The following PVALEF variants were observed in gnomAD, a reference collection of about 807,000 sequenced individuals.
The protein encoded by PVALEF is parvalbumin-like EF-hand-containing protein.
Under a neutral mutation model 1.2 loss-of-function variants are expected in PVALEF, and 2 were observed. That is an observed-to-expected ratio of 1.68 (90% confidence interval 0.69 to 5.28). The LOEUF is 5.28. PVALEF is among the 30% of genes most tolerant of loss of function. The pLI is 0.06. For missense variants in PVALEF, 35 were observed against 17.7 expected (o/e 1.97, Z -1.75); for synonymous variants, 16 against 6.5 (o/e 2.47, Z -2.24).
chr17:81,165,989 A>ACATGGCC (rs1280421784), intron 1 of PVALEF: 25 of 1,577,676 alleles, frequency 1.6e-5, no homozygotes, highest in Non-Finnish European at 2.1e-5. Flanking sequence ...AAGGACGACG[A>ACATGGCC]CATGGCCGGG....
At chr17:81,181,051 G>A (rs941215699) in intron 3 of PVALEF, 72 bp from the exon 4 acceptor site, 1 of 537,478 alleles carries the variant, frequency 1.9e-6, no homozygotes, top group Non-Finnish European at 3.3e-6. Context: ...TGCCTGGCTG[G>A]GATCCCAGCA....
In PVALEF at chr17:81,181,713, G is replaced by C; in HGVS notation, c.242+19G>C. Reference sequence around the variant, plus strand: ...AGATCAAGTAATGGCTGGCGGCCACGGAGGGGTGGGGCCCAGGCCACCCAG... The same window carrying C: ...AGATCAAGTAATGGCTGGCGGCCACCGAGGGGTGGGGCCCAGGCCACCCAG... On this transcript the variant is annotated intron_variant, in intron 5 of 6. Coordinates refer to ENST00000637878, the MANE Select transcript of PVALEF (RefSeq NM_001354639.2). The C allele has an allele frequency of 2.5e-6, 1 of 400,028 alleles. No homozygotes were observed. Among genetic ancestry groups the C allele is most frequent in the Non-Finnish European group, 4.4e-6 (1 of 227,080 alleles). 24.8% of individuals were successfully genotyped at this position (400,028 alleles called of 1,614,324 possible).
intron 2 of PVALEF, among the ~76,000 whole-genome samples, chr17:81,169,994 GTGT>G (rs1290024030): frequency 6.6e-6 from 1 of 151,568 alleles, no homozygotes; most frequent in Non-Finnish European, 1.5e-5. Context: ...GCATGTGTGT[GTGT>G]TGGTGTGTCT....
intron 2 of PVALEF, among the ~76,000 whole-genome samples, chr17:81,168,402 TCCCA>T (rs2061506628): frequency 6.6e-6 from 1 of 152,002 alleles, no homozygotes; most frequent in Non-Finnish European, 1.5e-5. Flanking sequence ...AAGCCAGCAC[TCCCA>T]CCCTACGTAA....
chr17:81,173,615 G>T (rs2061527578), intron 2 of PVALEF, among the ~76,000 whole-genome samples: 1 of 152,184 alleles, frequency 6.6e-6, no homozygotes, highest in Non-Finnish European at 1.5e-5. Flanking sequence ...AAGTCCCAAA[G>T]AAATAGAAAA....
intron 1 of PVALEF, 152 bp downstream of exon 1, chr17:81,165,899 G>A (rs1366369978): frequency 6.4e-7 from 1 of 1,560,874 alleles, no homozygotes; most frequent in South Asian, 1.2e-5. Context: ...CGCAGCGGAG[G>A]GAGGCAGCGG....
chr17:81,176,652 G>A (rs549984876), intron 2 of PVALEF, among the ~76,000 whole-genome samples: 3 of 151,088 alleles, frequency 2.0e-5, no homozygotes, highest in Admixed American at 1.3e-4. Context: ...GCCCCTGTGC[G>A]CTGTTGGTGG....
intron 2 of PVALEF, among the ~76,000 whole-genome samples, chr17:81,169,723 T>C (rs1397519201): frequency 6.7e-6 from 1 of 149,556 alleles, no homozygotes; most frequent in African/African-American, 2.5e-5. Context: ...CATCGTCACA[T>C]AGTCGTGTGC....
intron 2 of PVALEF, among the ~76,000 whole-genome samples, chr17:81,178,581 C>T (rs778700408): frequency 6.5e-4 from 99 of 152,192 alleles, no homozygotes; most frequent in South Asian, 6.2e-4. Flanking sequence ...CCCTTCCACC[C>T]GGCCCAAGCC....
chr17:81,165,960 G>C (rs369393591), intron 1 of PVALEF: 13 of 1,585,816 alleles, frequency 8.2e-6, no homozygotes, highest in Middle Eastern at 1.7e-4. Flanking sequence ...GCGAGCTGAA[G>C]GCGAAGCTGG....
chr17:81,166,708 C>T lies in PVALEF; in HGVS notation c.-476C>T, dbSNP rs1442358452. 3 of 455,242 alleles carry T rather than the reference C, an allele frequency of 6.6e-6. No individual in the cohort carries two copies. The Admixed American group carries it at 7.0e-5, about 11-fold the overall frequency. The allele number at this position is 455,242 out of a possible 1,614,324, so 28.2% of individuals were successfully genotyped here. On this transcript the variant is annotated 5_prime_UTR_variant, in exon 2 of 7. Transcript: ENST00000637878. ...AGGCGGCTGGCAGCCGCCCCCCCAC[C>T]CCATGCCCTTTGGGTGGCACCTGTG...
chr17:81,172,113 T>C (rs1340798650), intron 2 of PVALEF, among the ~76,000 whole-genome samples: 1 of 152,246 alleles, frequency 6.6e-6, no homozygotes, highest in Non-Finnish European at 1.5e-5. Flanking sequence ...CACTCTGGCC[T>C]GCTGGTGCCA....
intron 2 of PVALEF, among the ~76,000 whole-genome samples, chr17:81,172,355 A>C (rs747701618): frequency 1.3e-5 from 2 of 152,210 alleles, no homozygotes; most frequent in Non-Finnish European, 2.9e-5. Context: ...TGACCCGCTC[A>C]TTCCACTAAC....
At chr17:81,166,400 G>A (rs1598243155) in intron 1 of PVALEF, among the ~76,000 whole-genome samples, 1 of 90,124 alleles carries the variant, frequency 1.1e-5, no homozygotes, top group South Asian at 4.8e-4. Flanking sequence ...CATGGAGGAG[G>A]GGGGACGGGG....
chr17:81,172,722 A>G (rs1176691151), intron 2 of PVALEF, among the ~76,000 whole-genome samples: 1 of 152,068 alleles, frequency 6.6e-6, no homozygotes, highest in Middle Eastern at 3.2e-3. Flanking sequence ...CGAGACCGCG[A>G]CACTGCACTC....
At chr17:81,167,540 A>G (rs911694610) in intron 2 of PVALEF, among the ~76,000 whole-genome samples, 1 of 152,238 alleles carries the variant, frequency 6.6e-6, no homozygotes, top group Non-Finnish European at 1.5e-5. Flanking sequence ...TGCAGAGACC[A>G]GGACAGGATG....
intron 2 of PVALEF, among the ~76,000 whole-genome samples, chr17:81,168,535 C>T (rs1249703956): frequency 6.6e-6 from 1 of 152,200 alleles, no homozygotes; most frequent in Non-Finnish European, 1.5e-5. Flanking sequence ...CTGGCTTTTG[C>T]CCACGCTGGG....
chr17:81,172,263 G>A (rs926620439), intron 2 of PVALEF, among the ~76,000 whole-genome samples: 8 of 152,288 alleles, frequency 5.3e-5, no homozygotes, highest in African/African-American at 1.2e-4. Flanking sequence ...GGGAGCACCC[G>A]GGACAACCCC....
chr17:81,174,920 G>C (rs1484071677), intron 2 of PVALEF, among the ~76,000 whole-genome samples: 3 of 146,464 alleles, frequency 2.0e-5, no homozygotes, highest in African/African-American at 7.5e-5. Flanking sequence ...CTGCACTCCA[G>C]CCTGGGTGAC....
Sources: gnomAD v4.1 joint callset for allele counts (sites outside exome capture counted in the v4.1 genomes callset) on GRCh38, gnomAD v4.1.1 for gene constraint, MANE v1.5 for transcripts, NCBI Gene and HGNC (gene_info 2026-07-23, HGNC 2026-07-21) for gene names.